PEX6: variants seen among roughly 807,000 people sequenced by gnomAD.
PEX6 encodes the protein peroxisome biogenesis factor 6.
In PEX6, 55 loss-of-function variants were observed where a neutral mutation model predicts 85.6. That is an observed-to-expected ratio of 0.64 (90% CI 0.52 to 0.80). The LOEUF (loss-of-function observed/expected upper bound fraction) is 0.80. Ranked by LOEUF, PEX6 falls within the 30% of genes least tolerant of loss-of-function variation. The pLI, the probability that PEX6 is intolerant of heterozygous loss-of-function variation, is 0.00. For synonymous variants in PEX6, 519 were observed against 549.1 expected (o/e 0.95, Z 0.77); for missense variants, 1,099 against 1,260.3 (o/e 0.87, Z 1.94).
At chr6:42,973,587 G>A (rs1016964679) in intron 3 of PEX6, among the ~76,000 whole-genome samples, 5 of 151,986 alleles carry the variant, frequency 3.3e-5, no homozygotes, top group Admixed American at 2.0e-4. Context: ...GGTGAGTGGT[G>A]CACACCTGTA....
rs749650254 is a variant in PEX6, at chr6:42,968,479, C to A, written c.1499G>T (p.Cys500Phe). The change falls in exon 7 of 17, where the codon TGT becomes TTT. Residue 500 changes from cysteine to phenylalanine, a missense_variant. Transcript: ENST00000304611. ...HLLKVPCSSL[C>F]AESSGAVETK... ...CTCCACAGCCCCACTACTTTCTGCACAGAGGCTGGAGCAGGGCACCTGGGG... is the reference window on the plus strand; with the variant it reads ...CTCCACAGCCCCACTACTTTCTGCAAAGAGGCTGGAGCAGGGCACCTGGGG... 2 of 1,584,076 alleles carry A rather than the reference C, an allele frequency of 1.3e-6. No homozygotes were observed. Among genetic ancestry groups the A allele is most frequent in the Non-Finnish European group, 1.7e-6 (2 of 1,164,842 alleles).
chr6:42,978,902 GA>G lies in PEX6; in HGVS notation c.248del (p.Leu83ProfsTer21). ...QLLVSRALLRLLALGSGAWVR... is the reference protein window; with the variant it reads ...QLLVSRALLRXLALGSGAWVR... ...CCCAGGCCCCGGAGCCCAGTGCCAG[GA>G]GCCGCAGCAGCGCGCGGCTAACCAG... is the stretch of plus-strand genomic sequence containing the variant. On this transcript the variant is annotated frameshift_variant, in exon 1 of 17. Transcript: ENST00000304611. LOFTEE classifies it high-confidence loss of function. The G allele has an allele frequency of 6.7e-7, 1 of 1,488,776 alleles. No homozygotes were observed. 92.2% of individuals were successfully genotyped at this position (1,488,776 alleles called of 1,614,324 possible). A position where few individuals can be genotyped will look rare whatever the true frequency, so the allele number is the denominator to read the frequency against.
Position 42,967,374 on chromosome 6 carries a change from C to A in PEX6, c.1878G>T (p.Arg626=). 6.2e-7 allele frequency: 1 copy of A among 1,612,456 alleles called. No individual in the cohort carries two copies. Among genetic ancestry groups the A allele is most frequent in the Non-Finnish European group, 8.5e-7 (1 of 1,179,562 alleles). Residue 626 remains arginine (R), a synonymous_variant, in exon 8 of 17, where the codon CGG becomes CGT. Transcript: ENST00000304611. ...QEVNLAQLAR[R]CAGFVVGDLY... is the part of the protein sequence containing the mutation. ...ACTCTCCCTTGATACTCACTGCACA[C>A]CGCCGTGCTAGCTGTGCCAAGTTCA...
At chr6:42,976,426 G>T (rs1171726614) in intron 1 of PEX6, among the ~76,000 whole-genome samples, 4 of 152,026 alleles carry the variant, frequency 2.6e-5, no homozygotes, top group Admixed American at 2.0e-4. Context: ...GCAGTGGTGT[G>T]ATCTGGGTTC....
chr6:42,968,886 G>C lies in PEX6; in HGVS notation c.1467C>G (p.Leu489=), dbSNP rs1769948648. The C allele has an allele frequency of 6.2e-7, 1 of 1,612,832 alleles. No homozygotes were observed. Among genetic ancestry groups the C allele is most frequent in the Admixed American group, 1.7e-5 (1 of 60,006 alleles). ...VVAAACSHLG[L]HLLKVPCSSL... ...CAGAGACCCTCACCTTCAGTAAGTG[G>C]AGCCCAAGGTGACTACAGGCAGCAG... Residue 489 remains leucine (L), a synonymous_variant, in exon 6 of 17, where the codon CTC becomes CTG. Transcript: ENST00000304611.
At chr6:42,977,228 TAACA>T (rs1223837990) in intron 1 of PEX6, among the ~76,000 whole-genome samples, 44 of 149,326 alleles carry the variant, frequency 2.9e-4, no homozygotes, top group South Asian at 1.3e-3. Context: ...TTGAGTAGAT[TAACA>T]TACACATCTG....
chr6:42,976,456 A>G (rs2150237401), intron 1 of PEX6, among the ~76,000 whole-genome samples: 1 of 152,140 alleles, frequency 6.6e-6, no homozygotes, highest in Admixed American at 6.6e-5. Flanking sequence ...GCCACCTCCC[A>G]GGTTCAAGCG....
In PEX6 at chr6:42,969,996, A is replaced by G. The variant is rs1770006982; in HGVS notation, c.1131-9T>C. 6.2e-7 allele frequency: 1 copy of G among 1,612,592 alleles called. No individual in the cohort carries two copies. The highest frequency in any genetic ancestry group is 8.5e-7 in the Non-Finnish European group (1 of 1,178,604). ...AAAACATTTCCCGCCACCTGCAGGAAAAAGGCCCAATGAACCCCAGATCCA... is the reference window on the plus strand; with the variant it reads ...AAAACATTTCCCGCCACCTGCAGGAGAAAGGCCCAATGAACCCCAGATCCA... On this transcript the variant is annotated splice_polypyrimidine_tract_variant and intron_variant, in intron 3 of 16. Coordinates refer to ENST00000304611, the MANE Select transcript of PEX6 (RefSeq NM_000287.4).
rs1441708471 is a variant in PEX6, at chr6:42,978,685, C to A, written c.466G>T (p.Ala156Ser). 6.4e-7 allele frequency: 1 copy of A among 1,553,100 alleles called. No homozygotes were observed. Among genetic ancestry groups the A allele is most frequent in the Admixed American group, 1.9e-5 (1 of 52,174 alleles). The part of the protein sequence containing the change: ...QGLLGPGTRL[A>S]VTELRGRARL... ...GCCCGCCCGCGGAGCTCAGTCACAG[C>A]CAGCCGAGTCCCTGGGCCCAGCAGC... The change falls in exon 1 of 17, where the codon GCT (alanine) becomes TCT (serine). Residue 156 changes from alanine to serine, a missense_variant. This residue lies in a region of PEX6 where 579 missense variants were observed against 611.6 expected (regional missense o/e 0.95). Transcript: ENST00000304611.
In PEX6 at chr6:42,966,791, T is replaced by C; in HGVS notation, c.1952A>G (p.Lys651Arg). ...GCCCACGTCCTCTTACCCTGAGTTC[T>C]TGATCCTGGTGCAGGCTGCCCGGCT... ...HSSRAACTRI[K>R]NSGLAGGLTE... Residue 651 changes from lysine to arginine, a missense_variant, in exon 9 of 17, where the codon AAG becomes AGG. By Grantham distance (26) the Lys-to-Arg change is conservative (BLOSUM62 2). This residue lies in a region of PEX6 where 514 missense variants were observed against 627.0 expected (regional missense o/e 0.82). Coordinates refer to ENST00000304611, the MANE Select transcript of PEX6 (RefSeq NM_000287.4). The C allele has an allele frequency of 1.2e-6, 2 of 1,613,958 alleles. No individual in the cohort carries two copies. The highest frequency in any genetic ancestry group is 1.1e-5 in the South Asian group (1 of 91,066).
In PEX6 at chr6:42,966,664, A is replaced by G. The variant is rs1195586544; in HGVS notation, c.1962-7T>C. ...AGTCAAGCCACCTGCCAAACTGCAA[A>G]GAGGAACACAGGGAAGCCTCCTCAC... On this transcript the variant is annotated splice_region_variant and splice_polypyrimidine_tract_variant and intron_variant, in intron 9 of 16. Transcript: ENST00000304611. 2 of 1,614,154 alleles carry G rather than the reference A, an allele frequency of 1.2e-6. No homozygotes were observed. The highest frequency in any genetic ancestry group is 2.7e-5 in the African/African-American group (2 of 75,036).
rs199897108 is a variant in PEX6 at position 42,966,401 on chromosome 6, T to C, written c.2141A>G (p.Lys714Arg). 6.2e-7 allele frequency: 1 copy of C among 1,614,102 alleles called. No homozygotes were observed. The highest frequency in any genetic ancestry group is 2.2e-5 in the East Asian group (1 of 44,866). ...WHDVGGLQEV[K>R]KEILETIQLP... ...CTGAATGGTCTCCAGGATCTCCTTC[T>C]TCACCTCCTGCAGCCCACCCACATC... The change falls in exon 11 of 17, where the codon AAG becomes AGG. Residue 714 changes from lysine to arginine, a missense_variant. Lys to Arg is a conservative substitution (Grantham distance 26). This residue lies in a region of PEX6 where 514 missense variants were observed against 627.0 expected (regional missense o/e 0.82). Coordinates refer to ENST00000304611, the MANE Select transcript of PEX6 (RefSeq NM_000287.4).
rs1581757434 is a variant in PEX6, at chr6:42,964,973, C to G, written c.2667-44G>C. On this transcript the variant is annotated intron_variant, in intron 15 of 16. Transcript: ENST00000304611. This position sits in a 1 kb window ranked among gnomAD's most constrained non-coding sequence, Gnocchi z 4.6. Reference sequence around the variant, plus strand: ...AGAAACAGAGTTGGCATCACCTCCTCCCTCGAAAGCCAGTGCTGACCAGCT... The same window carrying G: ...AGAAACAGAGTTGGCATCACCTCCTGCCTCGAAAGCCAGTGCTGACCAGCT... 6.2e-7 allele frequency: 1 copy of G among 1,614,034 alleles called. No individual in the cohort carries two copies. The highest frequency in any genetic ancestry group is 1.3e-5 in the African/African-American group (1 of 75,060).
At position 42,966,401 on chromosome 6, in the gene PEX6, T is replaced by G. The variant is rs199897108; in HGVS notation, c.2141A>C (p.Lys714Thr). 1.2e-6 allele frequency: 2 copies of G among 1,613,982 alleles called. No individual in the cohort carries two copies. The highest frequency in any genetic ancestry group is 2.7e-5 in the African/African-American group (2 of 74,906). The part of the protein sequence containing the change: ...WHDVGGLQEV[K>T]KEILETIQLP... ...CTGAATGGTCTCCAGGATCTCCTTC[T>G]TCACCTCCTGCAGCCCACCCACATC... Residue 714 changes from lysine (K) to threonine (T), a missense_variant, in exon 11 of 17, where the codon AAG becomes ACG. This residue lies in a region of PEX6 where 514 missense variants were observed against 627.0 expected (regional missense o/e 0.82). Transcript: ENST00000304611.
In PEX6 at chr6:42,976,511, C is replaced by CA. The variant is rs527760480; in HGVS notation, c.883-1474dup. Among the ~76,000 whole-genome samples the CA allele has an allele frequency of 2.4e-3, 365 of 152,164 alleles. 4 individuals are homozygous for CA. The highest frequency in any genetic ancestry group is 4.5e-3 in the Admixed American group (69 of 15,258). ...CCCAGTTGTTGGGTTTACTGGTGTG[C>CA]ACCACCATACTGGGCTGATTTTTGT... is the stretch of plus-strand genomic sequence containing the variant. On this transcript the variant is annotated intron_variant, in intron 1 of 16. Transcript: ENST00000304611.
Position 42,964,567 on chromosome 6 carries a change from G to T in PEX6, c.2807-96C>A. 1 of 1,466,838 alleles carries T rather than the reference G, an allele frequency of 6.8e-7. No individual in the cohort carries two copies. The highest frequency in any genetic ancestry group is 9.5e-7 in the Non-Finnish European group (1 of 1,052,502). 90.9% of individuals were successfully genotyped at this position (1,466,838 alleles called of 1,614,324 possible). A position where few individuals can be genotyped will look rare whatever the true frequency, so the allele number is the denominator to read the frequency against. ...TGCTCAGGGTCTCCTAGATGTCAAT[G>T]ATCTTCCCTCTGGAATCCAGGACTA... On this transcript the variant is annotated intron_variant, in intron 16 of 16. Transcript: ENST00000304611. This position sits in a 1 kb window ranked among gnomAD's most constrained non-coding sequence, Gnocchi z 4.6.
Position 42,966,442 on chromosome 6 carries a change from G to C in PEX6, c.2100C>G (p.Pro700=). Residue 700 remains proline, a synonymous_variant, in exon 11 of 17, where the codon CCC becomes CCG. Coordinates refer to ENST00000304611, the MANE Select transcript of PEX6 (RefSeq NM_000287.4). Reference sequence around the variant, plus strand: ...CACCCACATCATGCCAGGACACTGAGGGGATCTAGGAGATGGAAAGTGCGT... The same window carrying C: ...CACCCACATCATGCCAGGACACTGACGGGATCTAGGAGATGGAAAGTGCGT... ...HSQAVGAPKI[P]SVSWHDVGGL... The C allele has an allele frequency of 6.2e-7, 1 of 1,614,164 alleles. No homozygotes were observed. Among genetic ancestry groups the C allele is most frequent in the South Asian group, 1.1e-5 (1 of 91,086 alleles).
intron 3 of PEX6, among the ~76,000 whole-genome samples, chr6:42,972,829 T>C (rs1224367669): frequency 6.8e-6 from 1 of 147,928 alleles, no homozygotes; most frequent in Non-Finnish European, 1.5e-5. Flanking sequence ...GATTGAGAAG[T>C]AGTTTGTGCA....
At chr6:42,978,098 G>A (rs1201269062) in intron 1 of PEX6, among the ~76,000 whole-genome samples, 171 bp downstream of exon 1, 1 of 152,064 alleles carries the variant, frequency 6.6e-6, no homozygotes, top group Non-Finnish European at 1.5e-5. Context: ...GCTCGCCTCG[G>A]CCTCCCAAAG....
Sources: allele counts gnomAD v4.1 joint callset (sites outside exome capture counted in the v4.1 genomes callset), GRCh38; gene constraint gnomAD v4.1.1; regional missense constraint gnomAD v4.1.1; non-coding constraint Gnocchi (gnomAD v3.1); transcripts MANE v1.5; gene names NCBI Gene and HGNC (gene_info 2026-07-23, HGNC 2026-07-21).